The following RSF1 variants were observed in gnomAD, a reference collection of about 807,000 sequenced individuals.
The protein encoded by RSF1 is remodeling and spacing factor 1, also known as HBV pX-associated protein 8.
In RSF1, 13 loss-of-function variants were observed where a neutral mutation model predicts 145.2. The observed-to-expected ratio is 0.09, with a 90% confidence interval of 0.06 to 0.14. The LOEUF is 0.14. Among genes scored for constraint, RSF1 ranks in the 10% least tolerant of loss-of-function variants. The pLI is 1.00. For missense variants in RSF1, 1,517 were observed against 1,718.2 expected, an observed-to-expected ratio of 0.88 and a Z score of 2.07; for synonymous variants, 577 against 592.6, an observed-to-expected ratio of 0.97 and a Z score of 0.38.
chr11:77,827,248 T>C, the RSF1 span, among the ~76,000 whole-genome samples: 1 of 152,104 alleles, frequency 6.6e-6, no homozygotes, highest in Non-Finnish European at 1.5e-5. Flanking sequence ...GCTTCACAAA[T>C]TCATACCAAA....
At chr11:77,769,041 C>G (rs953022451) in intron 1 of RSF1, among the ~76,000 whole-genome samples, 2 of 152,086 alleles carry the variant, frequency 1.3e-5, no homozygotes, top group Non-Finnish European at 2.9e-5. Flanking sequence ...TGGCTTTGGA[C>G]AGCTGTAAAG....
chr11:77,793,442 C>T (rs901748378), intron 1 of RSF1, among the ~76,000 whole-genome samples: 2 of 152,126 alleles, frequency 1.3e-5, no homozygotes, highest in Non-Finnish European at 2.9e-5. Flanking sequence ...CGTGATCATG[C>T]CACTGTACTT....
chr11:77,698,031 A>C (rs1046269085), intron 7 of RSF1, among the ~76,000 whole-genome samples: 1 of 152,204 alleles, frequency 6.6e-6, no homozygotes, highest in African/African-American at 2.4e-5. Context: ...CCAGCCATCC[A>C]TGAGACAGGG....
intron 1 of RSF1, among the ~76,000 whole-genome samples, chr11:77,814,688 C>T (rs771958493): frequency 2.6e-4 from 39 of 152,188 alleles, no homozygotes; most frequent in African/African-American, 5.1e-4. Flanking sequence ...TCAGGTGATC[C>T]GCCGCCTGGG....
chr11:77,692,055 T>C (rs1368045946), intron 8 of RSF1, among the ~76,000 whole-genome samples: 1 of 151,796 alleles, frequency 6.6e-6, no homozygotes, highest in South Asian at 2.1e-4. Flanking sequence ...CATGCCTGTC[T>C]AATTTTTGTA....
chr11:77,711,119 C>A lies in RSF1; in HGVS notation c.734-8624G>T, dbSNP rs1277515010. 3.4e-5 allele frequency among the ~76,000 whole-genome samples: 5 copies of A among 149,240 alleles called. No individual in the cohort carries two copies. The East Asian group carries it at 9.8e-4, about 29-fold the overall frequency. On this transcript the variant is annotated intron_variant, in intron 5 of 15. Transcript: ENST00000308488. ...AGGAAACACACACATAGACACCCCC[C>A]CTGACCCCCACACATTTTTAACTTA...
upstream of RSF1, among the ~76,000 whole-genome samples, chr11:77,823,321 A>G (rs1200500115): frequency 6.6e-6 from 1 of 152,080 alleles, no homozygotes; most frequent in South Asian, 2.1e-4. Flanking sequence ...GTCGGAAAAT[A>G]TTGTTTTTAA....
chr11:77,691,083 G>T, intron 9 of RSF1, 76 bp downstream of exon 9: 1 of 1,387,536 alleles, frequency 7.2e-7, no homozygotes, highest in Non-Finnish European at 1.0e-6. Flanking sequence ...GTTTTAGATG[G>T]ATCCATTTAT....
chr11:77,734,871 A>G (rs1029338925), intron 4 of RSF1: 2 of 1,579,430 alleles, frequency 1.3e-6, no homozygotes, highest in African/African-American at 1.3e-5. Context: ...AGTATTTGGC[A>G]AAGTTCTTCA....
the RSF1 span, among the ~76,000 whole-genome samples, chr11:77,835,771 A>G: frequency 2.0e-5 from 3 of 151,936 alleles, no homozygotes; most frequent in Non-Finnish European, 4.4e-5. Flanking sequence ...TATACAAAAA[A>G]TTAACCAGGC....
At chr11:77,690,630 C>A (rs980679079) in intron 9 of RSF1, among the ~76,000 whole-genome samples, 11 of 152,088 alleles carry the variant, frequency 7.2e-5, no homozygotes, top group African/African-American at 2.7e-4. Flanking sequence ...CAGGGTTTCA[C>A]CATGTTGGCC....
At chr11:77,796,534 A>T (rs1948574101) in intron 1 of RSF1, among the ~76,000 whole-genome samples, 1 of 152,190 alleles carries the variant, frequency 6.6e-6, no homozygotes, top group Admixed American at 6.5e-5. Flanking sequence ...TATTTATGAC[A>T]AACCCACAGC....
intron 1 of RSF1, among the ~76,000 whole-genome samples, chr11:77,819,554 A>G (rs935013187): frequency 1.6e-4 from 24 of 152,196 alleles, no homozygotes; most frequent in African/African-American, 5.3e-4. Flanking sequence ...GCGAACACCA[A>G]TAATAGACCA....
At chr11:77,798,931 T>C (rs1049195201) in intron 1 of RSF1, among the ~76,000 whole-genome samples, 22 of 149,912 alleles carry the variant, frequency 1.5e-4, no homozygotes, top group African/African-American at 5.1e-4. Context: ...AACTGCACGT[T>C]CTGCATATGT....
chr11:77,672,500 T>A (rs2135813017), intron 14 of RSF1, among the ~76,000 whole-genome samples: 1 of 151,118 alleles, frequency 6.6e-6, no homozygotes, highest in Non-Finnish European at 1.5e-5. Flanking sequence ...AAAGCTAGGA[T>A]CACAGGCATA....
Position 77,820,662 on chromosome 11 carries a change from C to T in RSF1, c.53G>A (p.Gly18Asp). 1 of 1,557,030 alleles carries T rather than the reference C, an allele frequency of 6.4e-7. No homozygotes were observed. Among genetic ancestry groups the T allele is most frequent in the Non-Finnish European group, 8.7e-7 (1 of 1,151,762 alleles). Residue 18 changes from glycine to aspartate, a missense_variant, in exon 1 of 16, where the codon GGT (glycine) becomes GAT (aspartate). Gly to Asp is a moderately conservative substitution (Grantham distance 94). Transcript: ENST00000308488. ...GACTACGGCGAAGTTGGGGCACGAA[C>T]CCGGGCAGCCCGGAGGAGCCATCAC... is the stretch of plus-strand genomic sequence containing the variant. ...AAVMAPPGCP[G>D]SCPNFAVVCS...
chr11:77,789,071 A>C (rs1226177753), intron 1 of RSF1, among the ~76,000 whole-genome samples: 1 of 152,238 alleles, frequency 6.6e-6, no homozygotes, highest in East Asian at 1.9e-4. Flanking sequence ...AAATGACAGG[A>C]AACATCTACG....
intron 11 of RSF1, among the ~76,000 whole-genome samples, chr11:77,681,792 A>G (rs889022674): frequency 2.6e-5 from 4 of 152,206 alleles, no homozygotes; most frequent in African/African-American, 9.7e-5. Context: ...CCACCACACC[A>G]TAATTTACAA....
At chr11:77,818,811 G>C in intron 1 of RSF1, among the ~76,000 whole-genome samples, 1 of 152,258 alleles carries the variant, frequency 6.6e-6, no homozygotes, top group Non-Finnish European at 1.5e-5. Context: ...ATATAAAAAA[G>C]AATGTAAATA....
Sources: allele counts gnomAD v4.1 joint callset (sites outside exome capture counted in the v4.1 genomes callset), GRCh38; gene constraint gnomAD v4.1.1; transcripts MANE v1.5; gene names NCBI Gene and HGNC (gene_info 2026-07-23, HGNC 2026-07-21).